Variants in SNAP91 observed in about 807,000 individuals in gnomAD.
SNAP91 encodes clathrin coat assembly protein AP180.
In SNAP91, 27 loss-of-function variants were observed where a neutral mutation model predicts 100.3. That is an observed-to-expected ratio of 0.27 (90% confidence interval 0.20 to 0.37). SNAP91 has a LOEUF of 0.37. SNAP91 is among the 10% of genes least tolerant of loss of function. The pLI, the probability that SNAP91 is intolerant of heterozygous loss-of-function variation, is 1.00. For synonymous variants in SNAP91, 404 were observed against 398.6 expected, an observed-to-expected ratio of 1.01 and a Z score of -0.16; for missense variants, 986 against 1,123.7, an observed-to-expected ratio of 0.88 and a Z score of 1.75.
intron 22 of SNAP91, among the ~76,000 whole-genome samples, 159 bp downstream of exon 22, chr6:83,591,051 AC>A (rs748661757): frequency 6.6e-6 from 1 of 152,102 alleles, no homozygotes; most frequent in African/African-American, 2.4e-5. Flanking sequence ...TAAGCATAGT[AC>A]CCAACAGTCA....
chr6:83,659,032 T>C lies in SNAP91; in HGVS notation c.513A>G (p.Leu171=), dbSNP rs2098472934. 1 of 1,609,164 alleles carries C rather than the reference T, an allele frequency of 6.2e-7. No homozygotes were observed. The highest frequency in any genetic ancestry group is 1.7e-5 in the Admixed American group (1 of 59,472). The part of the protein sequence containing the change: ...PEKLLKSMPI[L]QGQIDALLEF... ...CAAGCAGTGCATCAATTTGTCCCTG[T>C]AGTATTGGCATACTCTTTAGCAGCT... is the stretch of plus-strand genomic sequence containing the variant. The change falls in exon 6 of 30, where the codon CTA becomes CTG. Residue 171 remains leucine, a synonymous_variant. Coordinates refer to ENST00000369694, the MANE Select transcript of SNAP91 (RefSeq NM_001242792.2).
intron 24 of SNAP91, among the ~76,000 whole-genome samples, chr6:83,578,907 TTTTTTG>T (rs1303085667): frequency 4.0e-5 from 6 of 151,556 alleles, no homozygotes; most frequent in African/African-American, 1.5e-4. Flanking sequence ...GAATTAATTT[TTTTTTG>T]TTTAAGTAAA....
At position 83,561,006 on chromosome 6, in the gene SNAP91, C is replaced by T. The variant is rs558871834; in HGVS notation, c.2443-59G>A. The T allele has an allele frequency of 7.0e-5, 76 of 1,079,636 alleles. 1 individual carries two copies. Among genetic ancestry groups the T allele is most frequent in the African/African-American group, 1.6e-4 (10 of 61,542 alleles). 66.9% of individuals were successfully genotyped at this position (1,079,636 alleles called of 1,614,324 possible). A position where few individuals can be genotyped will look rare whatever the true frequency, so the allele number is the denominator to read the frequency against. On this transcript the variant is annotated intron_variant, in intron 26 of 29. Transcript: ENST00000369694. ...ACACAAAAACACACAAACACATGCACGACAATAAACAAACAAAAAGAACAA... is the reference window on the plus strand; with the variant it reads ...ACACAAAAACACACAAACACATGCATGACAATAAACAAACAAAAAGAACAA...
At chr6:83,626,445 G>A (rs1297013483) in intron 8 of SNAP91, among the ~76,000 whole-genome samples, 1 of 151,966 alleles carries the variant, frequency 6.6e-6, no homozygotes, top group Admixed American at 6.6e-5. Context: ...GGATTGCTTT[G>A]GGCAGTAGAG....
chr6:83,592,433 T>G, intron 21 of SNAP91, 22 bp downstream of exon 21: 1 of 1,546,060 alleles, frequency 6.5e-7, no homozygotes. Flanking sequence ...TCCTTAAGTG[T>G]TGATGGAGGA....
chr6:83,566,090 TA>T (rs1796224796), intron 26 of SNAP91, among the ~76,000 whole-genome samples: 1 of 152,158 alleles, frequency 6.6e-6, no homozygotes, highest in African/African-American at 2.4e-5. Context: ...GGTATATCCA[TA>T]AAATGAAATA....
At chr6:83,666,381 T>G (rs1322732777) in intron 2 of SNAP91, among the ~76,000 whole-genome samples, 1 of 152,050 alleles carries the variant, frequency 6.6e-6, no homozygotes, top group Non-Finnish European at 1.5e-5. Context: ...CAGTACAGAC[T>G]TAAGTACTTC....
At chr6:83,570,024 A>C (rs1330088952) in intron 26 of SNAP91, among the ~76,000 whole-genome samples, 1 of 152,176 alleles carries the variant, frequency 6.6e-6, no homozygotes, top group East Asian at 1.9e-4. Flanking sequence ...AAAGCCACCC[A>C]AAAATGAGGC....
At chr6:83,677,700 A>G (rs777537023) in intron 2 of SNAP91, among the ~76,000 whole-genome samples, 1 of 152,206 alleles carries the variant, frequency 6.6e-6, no homozygotes, top group Non-Finnish European at 1.5e-5. Flanking sequence ...TGAGGTAGAA[A>G]TAATACATGC....
At chr6:83,708,387 C>G (rs1231908356) in intron 1 of SNAP91, 1 of 158,838 alleles carries the variant, frequency 6.3e-6, no homozygotes, top group African/African-American at 2.4e-5. Context: ...CTCCTAGCAG[C>G]CCGCAGGCTT....
chr6:83,658,278 A>G (rs1284823334), intron 6 of SNAP91, among the ~76,000 whole-genome samples: 2 of 152,102 alleles, frequency 1.3e-5, no homozygotes, highest in East Asian at 3.9e-4. Flanking sequence ...ATTAAACACA[A>G]TTCTTTGGTG....
chr6:83,692,186 A>G (rs1312524252), intron 2 of SNAP91, among the ~76,000 whole-genome samples: 2 of 152,182 alleles, frequency 1.3e-5, no homozygotes, highest in East Asian at 3.9e-4. Context: ...TAATAACGAT[A>G]ATTTATAGAG....
chr6:83,598,152 A>ATTG, intron 16 of SNAP91, among the ~76,000 whole-genome samples: 1 of 152,300 alleles, frequency 6.6e-6, no homozygotes, highest in East Asian at 1.9e-4. Flanking sequence ...TAAAATTTGC[A>ATTG]TCAGTATAAA....
intron 4 of SNAP91, among the ~76,000 whole-genome samples, chr6:83,661,805 C>G (rs889508677): frequency 6.6e-6 from 1 of 152,150 alleles, no homozygotes; most frequent in African/African-American, 2.4e-5. Context: ...TCTTCAATTA[C>G]TTATTCCACC....
chr6:83,696,627 C>T (rs1180516208), intron 2 of SNAP91, among the ~76,000 whole-genome samples: 1 of 152,196 alleles, frequency 6.6e-6, no homozygotes, highest in Non-Finnish European at 1.5e-5. Context: ...ACACAGCATT[C>T]TGCAGCAGTT....
At chr6:83,693,915 A>C (rs953066874) in intron 2 of SNAP91, among the ~76,000 whole-genome samples, 4 of 152,184 alleles carry the variant, frequency 2.6e-5, no homozygotes, top group African/African-American at 9.7e-5. Flanking sequence ...AGTCTATTTC[A>C]TCTTAAGTGT....
At chr6:83,663,122 T>C (rs2098595355) in intron 3 of SNAP91, among the ~76,000 whole-genome samples, 1 of 152,152 alleles carries the variant, frequency 6.6e-6, no homozygotes, top group Non-Finnish European at 1.5e-5. Context: ...TCAGTAAATG[T>C]GGCATATGTT....
At chr6:83,570,689 C>T (rs1158895132) in intron 26 of SNAP91, among the ~76,000 whole-genome samples, 1 of 152,162 alleles carries the variant, frequency 6.6e-6, no homozygotes, top group African/African-American at 2.4e-5. Context: ...GCTGTTGCTT[C>T]AGAGGGTGGT....
At chr6:83,557,508 A>T (rs1226014877) in intron 28 of SNAP91, among the ~76,000 whole-genome samples, 1 of 151,326 alleles carries the variant, frequency 6.6e-6, no homozygotes, top group Non-Finnish European at 1.5e-5. Flanking sequence ...TCTCTACAAA[A>T]AATAATAAAA....
Sources: gnomAD v4.1 joint callset for allele counts (sites outside exome capture counted in the v4.1 genomes callset) on GRCh38, gnomAD v4.1.1 for gene constraint, MANE v1.5 for transcripts, NCBI Gene and HGNC (gene_info 2026-07-23, HGNC 2026-07-21) for gene names.